The following ATL2 variants were observed in gnomAD, a reference collection of about 807,000 sequenced individuals.
ATL2 encodes the protein atlastin GTPase 2.
ATL2 carries 31 observed loss-of-function variants against 73.9 expected under a neutral mutation model. The ratio of observed to expected loss-of-function variants is 0.42; its 90% CI spans 0.32 to 0.57. The LOEUF (loss-of-function observed/expected upper bound fraction) is 0.57. Among genes scored for constraint, ATL2 ranks in the 20% least tolerant of loss-of-function variants. The pLI, the probability that ATL2 is intolerant of heterozygous loss-of-function variation, is 0.14. For synonymous variants in ATL2, 291 were observed against 237.5 expected (o/e 1.23, Z -2.07); for missense variants, 738 against 702.6 (o/e 1.05, Z -0.57).
chr2:38,343,974 G>C (rs528137509), intron 1 of ATL2, among the ~76,000 whole-genome samples: 3 of 152,104 alleles, frequency 2.0e-5, no homozygotes, highest in South Asian at 4.1e-4. Context: ...GTGAAACTTT[G>C]ATTCCATTAA....
intron 2 of ATL2, among the ~76,000 whole-genome samples, chr2:38,337,873 A>T (rs528260378): frequency 6.6e-6 from 1 of 152,330 alleles, no homozygotes; most frequent in East Asian, 1.9e-4. Flanking sequence ...CTCCATAGAG[A>T]ATTAAGAATC....
intron 2 of ATL2, among the ~76,000 whole-genome samples, chr2:38,338,363 C>G (rs1204333978): frequency 6.6e-6 from 1 of 152,074 alleles, no homozygotes; most frequent in Non-Finnish European, 1.5e-5. Context: ...ACGCTCAATA[C>G]CTGGGTGACA....
chr2:38,297,889 C>T (rs755404963), intron 12 of ATL2: 5 of 311,562 alleles, frequency 1.6e-5, no homozygotes, highest in Non-Finnish European at 2.9e-5. Flanking sequence ...CCCTGCCCAC[C>T]GTCTGATACA....
chr2:38,327,084 G>C (rs913767809), intron 2 of ATL2, among the ~76,000 whole-genome samples: 1 of 151,780 alleles, frequency 6.6e-6, no homozygotes, highest in Middle Eastern at 3.4e-3. Context: ...CACCAAACTA[G>C]AATTCTGTAT....
chr2:38,347,498 T>C (rs1036912663), intron 1 of ATL2, among the ~76,000 whole-genome samples: 1 of 152,196 alleles, frequency 6.6e-6, no homozygotes, highest in Non-Finnish European at 1.5e-5. Context: ...CACAGATCCC[T>C]TTCCTTAACA....
rs1461022616 is a variant in ATL2, at chr2:38,316,955, C to T, written c.603+1580G>A. On this transcript the variant is annotated intron_variant, in intron 4 of 12. Transcript: ENST00000378954. ...GAAAAAAAGAGACTTAGAGGGTCCC[C>T]ACCAGCGTCACTTAGTGGGTAATGA... Among the ~76,000 whole-genome samples the T allele has an allele frequency of 5.3e-5, 8 of 152,204 alleles. No individual in the cohort carries two copies. The East Asian group carries it at 1.4e-3, about 26-fold the overall frequency.
chr2:38,325,637 C>T (rs1268768032), intron 2 of ATL2, among the ~76,000 whole-genome samples: 2 of 80,354 alleles, frequency 2.5e-5, no homozygotes, highest in Non-Finnish European at 5.0e-5. Context: ...TACACACACA[C>T]ACACACACAC....
intron 7 of ATL2, among the ~76,000 whole-genome samples, chr2:38,310,663 G>C (rs907900636): frequency 7.6e-6 from 1 of 131,632 alleles, no homozygotes; most frequent in Non-Finnish European, 1.6e-5. Flanking sequence ...TAAAGACAGA[G>C]TTTCGCTCTT....
chr2:38,302,885 A>G (rs1222859220), intron 9 of ATL2, among the ~76,000 whole-genome samples: 1 of 152,238 alleles, frequency 6.6e-6, no homozygotes, highest in African/African-American at 2.4e-5. Flanking sequence ...AAAGACTATA[A>G]CAAATACCTA....
At chr2:38,331,233 G>C (rs950431934) in intron 2 of ATL2, among the ~76,000 whole-genome samples, 4 of 152,008 alleles carry the variant, frequency 2.6e-5, no homozygotes, top group African/African-American at 9.7e-5. Context: ...AAGAGATGGA[G>C]ACCATCCTGG....
At chr2:38,315,855 T>C (rs2148431021) in intron 4 of ATL2, among the ~76,000 whole-genome samples, 1 of 152,292 alleles carries the variant, frequency 6.6e-6, no homozygotes, top group South Asian at 2.1e-4. Flanking sequence ...TACTTACTCA[T>C]CAGTTTTCAC....
intron 9 of ATL2, among the ~76,000 whole-genome samples, chr2:38,306,373 T>C (rs956112990): frequency 1.3e-5 from 2 of 152,166 alleles, no homozygotes; most frequent in African/African-American, 4.8e-5. Flanking sequence ...GGAGGGAATA[T>C]TTCCAAACCA....
At chr2:38,352,842 A>T (rs771921171) in intron 1 of ATL2, among the ~76,000 whole-genome samples, 30 of 152,234 alleles carry the variant, frequency 2.0e-4, no homozygotes, top group Non-Finnish European at 5.9e-5. Context: ...AGACTTGAAA[A>T]GATCTGCAAG....
chr2:38,364,889 A>T (rs1341980870), intron 1 of ATL2, among the ~76,000 whole-genome samples: 1 of 151,986 alleles, frequency 6.6e-6, no homozygotes, highest in African/African-American at 2.4e-5. Flanking sequence ...CTAAAAATAC[A>T]AAAAATTAGC....
chr2:38,319,138 ACTGTGT>A, intron 2 of ATL2, 119 bp from the exon 3 acceptor site: 1 of 1,074,902 alleles, frequency 9.3e-7, no homozygotes, highest in Non-Finnish European at 1.4e-6. Flanking sequence ...CAAAAAAAAC[ACTGTGT>A]AACAAACAAG....
intron 7 of ATL2, among the ~76,000 whole-genome samples, chr2:38,311,434 A>G (rs1036512842): frequency 2.5e-5 from 3 of 120,390 alleles, no homozygotes; most frequent in African/African-American, 8.8e-5. Context: ...TGCGCTATTT[A>G]TAATTAAAAC....
chr2:38,363,375 G>A (rs552982375), intron 1 of ATL2, among the ~76,000 whole-genome samples: 10 of 149,758 alleles, frequency 6.7e-5, no homozygotes, highest in African/African-American at 2.2e-4. Flanking sequence ...AAAGGTGGGG[G>A]GGGGGGTTAT....
intron 1 of ATL2, among the ~76,000 whole-genome samples, chr2:38,373,826 T>C (rs1386810933): frequency 6.6e-6 from 1 of 152,218 alleles, no homozygotes; most frequent in Admixed American, 6.5e-5. Context: ...GTTCTACTTC[T>C]TTCTATAATA....
chr2:38,355,666 G>C (rs111804320), intron 1 of ATL2, among the ~76,000 whole-genome samples: 3,371 of 147,180 alleles, frequency 0.023, 63 homozygotes, highest in Non-Finnish European at 0.038. Context: ...GAACTAAAAA[G>C]AAAAACAGAT....
Sources: allele counts gnomAD v4.1 joint callset (sites outside exome capture counted in the v4.1 genomes callset), GRCh38; gene constraint gnomAD v4.1.1; transcripts MANE v1.5; gene names NCBI Gene and HGNC (gene_info 2026-07-23, HGNC 2026-07-21).